The following RAD51B variants were observed in gnomAD, a reference collection of about 807,000 sequenced individuals.
The protein encoded by RAD51B is RAD51 paralog B.
RAD51B carries 38 observed loss-of-function variants against 42.2 expected under a neutral mutation model. The ratio of observed to expected loss-of-function variants is 0.90; its 90% CI spans 0.70 to 1.18. The LOEUF (loss-of-function observed/expected upper bound fraction) is 1.18. Ranked by LOEUF, RAD51B falls within the 50% of genes most tolerant of loss-of-function variation. The probability of loss-of-function intolerance (pLI) is 0.00; values close to 1 mark genes in which losing one functional copy is unlikely to be tolerated. For synonymous variants in RAD51B, 154 were observed against 145.2 expected (o/e 1.06, Z -0.43); for missense variants, 373 against 400.7 (o/e 0.93, Z 0.59).
At chr14:68,189,187 T>C (rs1202560982) in intron 7 of RAD51B, among the ~76,000 whole-genome samples, 1 of 152,140 alleles carries the variant, frequency 6.6e-6, no homozygotes, top group Non-Finnish European at 1.5e-5. Context: ...ATCATAAGTA[T>C]ACAGTTGATG....
chr14:67,841,717 TC>T (rs2041435923), intron 4 of RAD51B, among the ~76,000 whole-genome samples: 1 of 152,186 alleles, frequency 6.6e-6, no homozygotes, highest in African/African-American at 2.4e-5. Flanking sequence ...TTGTCAAAGA[TC>T]AGAGGTTGTA....
At chr14:68,595,784 A>AT (rs1890969223) in exon 11 of RAD51B, 1 of 402,782 alleles carries the variant, frequency 2.5e-6, no homozygotes, top group African/African-American at 2.1e-5. Context: ...ACACCATATT[A>AT]TTAAAGAGAA....
At chr14:68,253,967 G>A (rs1207462842) in intron 7 of RAD51B, among the ~76,000 whole-genome samples, 1 of 152,088 alleles carries the variant, frequency 6.6e-6, no homozygotes, top group Non-Finnish European at 1.5e-5. Flanking sequence ...TTTTCAAATA[G>A]TTTTATAATT....
chr14:68,273,572 G>T (rs79902918), intron 7 of RAD51B, among the ~76,000 whole-genome samples: 1 of 152,192 alleles, frequency 6.6e-6, no homozygotes, highest in Non-Finnish European at 1.5e-5. Flanking sequence ...ATCAGGCCCC[G>T]TTAGCCTGCT....
At position 68,474,552 on chromosome 14, in the gene RAD51B, GGTAAA is replaced by G. The variant is rs531570608; in HGVS notation, c.1037-3091_1037-3087del. 6.2e-4 allele frequency among the ~76,000 whole-genome samples: 95 copies of G among 152,322 alleles called. 1 individual carries two copies. The highest frequency in any genetic ancestry group is 1.9e-3 in the African/African-American group (80 of 41,570). The stretch of plus-strand genomic sequence containing the variant: ...ACTTGAGGAAACTGAGTTCCAGAAA[GGTAAA>G]GTAATGTTCACTGCCTCAAAATTGG... On this transcript the variant is annotated intron_variant, in intron 10 of 10. Coordinates refer to ENST00000471583, the MANE Select transcript of RAD51B (RefSeq NM_133510.4).
At chr14:68,054,891 A>G (rs2076449275) in intron 7 of RAD51B, among the ~76,000 whole-genome samples, 1 of 152,132 alleles carries the variant, frequency 6.6e-6, no homozygotes, top group African/African-American at 2.4e-5. Context: ...ATCTGACACT[A>G]TCTCCAGGTA....
intron 7 of RAD51B, among the ~76,000 whole-genome samples, chr14:67,891,788 A>G (rs531130177): frequency 2.6e-5 from 4 of 152,184 alleles, no homozygotes; most frequent in Non-Finnish European, 5.9e-5. Flanking sequence ...TTCATTTAAA[A>G]TAATTAAGGT....
At chr14:68,244,099 G>A (rs889816279) in intron 7 of RAD51B, among the ~76,000 whole-genome samples, 3 of 152,142 alleles carry the variant, frequency 2.0e-5, no homozygotes, top group African/African-American at 7.2e-5. Flanking sequence ...TGGGCTCTAT[G>A]CTGTCATCTA....
At chr14:68,355,606 T>C (rs926321066) in intron 8 of RAD51B, among the ~76,000 whole-genome samples, 2 of 152,204 alleles carry the variant, frequency 1.3e-5, no homozygotes, top group Non-Finnish European at 2.9e-5. Flanking sequence ...GTTCAGTGGT[T>C]TGGGTTTTTT....
At chr14:68,655,852 C>T (rs61267749) in intron 11 of RAD51B, among the ~76,000 whole-genome samples, 3,753 of 152,230 alleles carry the variant, frequency 0.025, 136 homozygotes, top group African/African-American at 0.073. Context: ...TAGTGGCTGG[C>T]TAAGGAGGAA....
intron 7 of RAD51B, among the ~76,000 whole-genome samples, chr14:67,963,374 G>T (rs1214963133): frequency 1.3e-5 from 2 of 151,996 alleles, no homozygotes; most frequent in East Asian, 3.8e-4. Flanking sequence ...ATTTCTCAAT[G>T]GTGAGATTTT....
chr14:67,929,062 G>A (rs1217746561), intron 7 of RAD51B, among the ~76,000 whole-genome samples: 3 of 151,884 alleles, frequency 2.0e-5, no homozygotes, highest in African/African-American at 7.3e-5. Flanking sequence ...TCAACGTTTT[G>A]TATTGTATTT....
At chr14:68,648,036 T>TATATATATATATATAC (rs375269798) in intron 10 of RAD51B, among the ~76,000 whole-genome samples, 3,912 of 113,902 alleles carry the variant, frequency 0.034, 225 homozygotes, top group East Asian at 0.052. Context: ...TATATATATA[T>TATATATATATATATAC]ACACACGTAT....
intron 4 of RAD51B, among the ~76,000 whole-genome samples, chr14:67,850,625 G>T (rs2041773083): frequency 6.6e-6 from 1 of 152,182 alleles, no homozygotes; most frequent in South Asian, 2.1e-4. Context: ...ACTGTGGAGG[G>T]CTGCATACCA....
At chr14:68,605,589 T>C (rs1005088420) in intron 10 of RAD51B, among the ~76,000 whole-genome samples, 3 of 152,212 alleles carry the variant, frequency 2.0e-5, no homozygotes, top group Admixed American at 6.5e-5. Context: ...CCTGGTGTGC[T>C]TGGGCGTGCA....
intron 7 of RAD51B, among the ~76,000 whole-genome samples, chr14:67,923,303 T>C (rs2044391578): frequency 3.0e-5 from 3 of 99,562 alleles, no homozygotes; most frequent in East Asian, 2.0e-4. Flanking sequence ...TTTTTCTTTT[T>C]TTTTTTTTTT....
chr14:68,273,937 A>G (rs1182602034), intron 7 of RAD51B, among the ~76,000 whole-genome samples: 1 of 152,126 alleles, frequency 6.6e-6, no homozygotes, highest in African/African-American at 2.4e-5. Context: ...TCTATTTTTC[A>G]TCAGAGTAAA....
intron 10 of RAD51B, among the ~76,000 whole-genome samples, chr14:68,484,685 A>C (rs751960050): frequency 6.6e-6 from 1 of 152,120 alleles, no homozygotes; most frequent in Non-Finnish European, 1.5e-5. Context: ...TGGGAAGAGG[A>C]GTCTCAATTA....
At chr14:68,438,517 T>A (rs1316156898) in intron 9 of RAD51B, among the ~76,000 whole-genome samples, 1 of 152,148 alleles carries the variant, frequency 6.6e-6, no homozygotes, top group Non-Finnish European at 1.5e-5. Context: ...CATTCTTCCA[T>A]CCAGGCCTCA....
Sources: gnomAD v4.1 joint callset for allele counts (sites outside exome capture counted in the v4.1 genomes callset) on GRCh38, gnomAD v4.1.1 for gene constraint, MANE v1.5 for transcripts, NCBI Gene and HGNC (gene_info 2026-07-23, HGNC 2026-07-21) for gene names.